EPB41L4A: variants seen among roughly 807,000 people sequenced by gnomAD.
The protein encoded by EPB41L4A is erythrocyte membrane protein band 4.1 like 4A.
EPB41L4A carries 100 observed loss-of-function variants against 108.6 expected under a neutral mutation model. The observed-to-expected ratio is 0.92, with a 90% CI of 0.78 to 1.09. The LOEUF is 1.09. Ranked by LOEUF, EPB41L4A falls within the 50% of genes least tolerant of loss-of-function variation. The probability of loss-of-function intolerance (pLI) is 0.00; values close to 1 mark genes in which losing one functional copy is unlikely to be tolerated. For synonymous variants in EPB41L4A, 319 were observed against 289.0 expected (o/e 1.10, Z -1.05); for missense variants, 1,030 against 842.7 (o/e 1.22, Z -2.75).
At chr5:112,394,428 C>A (rs537073469) in intron 1 of EPB41L4A, among the ~76,000 whole-genome samples, 1 of 152,130 alleles carries the variant, frequency 6.6e-6, no homozygotes, top group African/African-American at 2.4e-5. Context: ...AAATCAAAAC[C>A]ATTCCTATAC....
At chr5:112,202,060 G>A (rs1580421575) in intron 15 of EPB41L4A, among the ~76,000 whole-genome samples, 1 of 152,182 alleles carries the variant, frequency 6.6e-6, no homozygotes, top group African/African-American at 2.4e-5. Flanking sequence ...TGCCAGCTGG[G>A]TTCTAGTTAA....
At chr5:112,242,478 C>T (rs1388425209) in intron 9 of EPB41L4A, among the ~76,000 whole-genome samples, 7 of 152,138 alleles carry the variant, frequency 4.6e-5, no homozygotes, top group East Asian at 3.9e-4. Context: ...CTATTTCTAC[C>T]GCATCTGCAG....
At chr5:112,152,482 G>A (rs975355616) in intron 12 of EPB41L4A, among the ~76,000 whole-genome samples, 2 of 152,162 alleles carry the variant, frequency 1.3e-5, no homozygotes, top group African/African-American at 2.4e-5. Flanking sequence ...AATGGGATTA[G>A]TGCCCTTATA....
At position 112,246,052 on chromosome 5, in the gene EPB41L4A, T is replaced by C. The variant is rs111621537; in HGVS notation, c.796-5242A>G. 2.0e-4 allele frequency among the ~76,000 whole-genome samples: 30 copies of C among 152,242 alleles called. 1 individual carries two copies. Among genetic ancestry groups the C allele is most frequent in the African/African-American group, 6.7e-4 (28 of 41,536 alleles). ...CAATGAATTCAGAAAGTGTTTTCCTTAGCAGCAAAAGAAACTGGTGGCAGA... is the reference window on the plus strand; with the variant it reads ...CAATGAATTCAGAAAGTGTTTTCCTCAGCAGCAAAAGAAACTGGTGGCAGA... On this transcript the variant is annotated intron_variant, in intron 9 of 22. Transcript: ENST00000261486.
intron 12 of EPB41L4A, among the ~76,000 whole-genome samples, chr5:112,229,147 AAACT>A (rs974734258): frequency 6.6e-6 from 1 of 152,256 alleles, no homozygotes; most frequent in African/African-American, 2.4e-5. Flanking sequence ...TTAATGATAC[AAACT>A]AACAAAAAGT....
At chr5:112,211,649 G>C (rs1453130594) in intron 12 of EPB41L4A, among the ~76,000 whole-genome samples, 1 of 151,444 alleles carries the variant, frequency 6.6e-6, no homozygotes, top group Non-Finnish European at 1.5e-5. Flanking sequence ...GAACACTTCA[G>C]AGCAAGGCAA....
intron 1 of EPB41L4A, among the ~76,000 whole-genome samples, chr5:112,380,089 T>TC (rs1324301602): frequency 1.3e-5 from 2 of 152,178 alleles, no homozygotes; most frequent in African/African-American, 4.8e-5. Context: ...ATCAGATGTC[T>TC]CCCTGCTCTT....
In EPB41L4A at chr5:112,231,175, T is replaced by C. The variant is rs116177465; in HGVS notation, c.1087+3459A>G. Among the ~76,000 whole-genome samples, 130 of 152,266 alleles carry C rather than the reference T, an allele frequency of 8.5e-4. 2 individuals are homozygous for C. Among genetic ancestry groups the C allele is most frequent in the African/African-American group, 3.1e-3 (127 of 41,530 alleles). ...ATCCAAGAATTAAAGATTGGTTGAA[T>C]TGTCACATCTCTATATCTATACAGC... On this transcript the variant is annotated intron_variant, in intron 12 of 22. Coordinates refer to ENST00000261486, the MANE Select transcript of EPB41L4A (RefSeq NM_022140.5).
intron 1 of EPB41L4A, among the ~76,000 whole-genome samples, chr5:112,416,156 A>T (rs1762710037): frequency 6.6e-6 from 1 of 152,128 alleles, no homozygotes; most frequent in South Asian, 2.1e-4. Flanking sequence ...AACTTTATCT[A>T]AGTTGAAGAA....
intron 22 of EPB41L4A, 30 bp from the exon 23 acceptor site, chr5:112,165,148 T>C: frequency 6.5e-7 from 1 of 1,533,038 alleles, no homozygotes; most frequent in African/African-American, 1.4e-5. Flanking sequence ...TGTAGAAAGA[T>C]TCAGAAGAAA....
intron 1 of EPB41L4A, among the ~76,000 whole-genome samples, chr5:112,346,439 G>T (rs1757683732): frequency 6.6e-6 from 1 of 151,804 alleles, no homozygotes; most frequent in Non-Finnish European, 1.5e-5. Flanking sequence ...GGTCAGGATG[G>T]TCTCAAACTC....
chr5:112,164,965 C>CCCTA lies in EPB41L4A; in HGVS notation c.*21_*24dup. The CCCTA allele has an allele frequency of 6.3e-7, 1 of 1,598,642 alleles. No individual in the cohort carries two copies. Among genetic ancestry groups the CCCTA allele is most frequent in the Non-Finnish European group, 8.5e-7 (1 of 1,174,468 alleles). ...CCAGTGGCGCACACAACCTTCCCACCCCTACCCTTGACCCTTCATCAGGAT... is the reference window on the plus strand; with the variant it reads ...CCAGTGGCGCACACAACCTTCCCACCCCTACCTACCCTTGACCCTTCATCAGGAT... On this transcript the variant is annotated 3_prime_UTR_variant, in exon 23 of 23. Transcript: ENST00000261486.
intron 18 of EPB41L4A, among the ~76,000 whole-genome samples, chr5:112,174,149 T>C (rs1157955739): frequency 6.6e-6 from 1 of 152,242 alleles, no homozygotes; most frequent in Admixed American, 6.5e-5. Context: ...AATGCTAATT[T>C]CCTCTGATTG....
chr5:112,411,461 A>C (rs974758648), intron 1 of EPB41L4A, among the ~76,000 whole-genome samples: 1 of 152,208 alleles, frequency 6.6e-6, no homozygotes, highest in Admixed American at 6.5e-5. Context: ...ACTGAAATTC[A>C]GAAATAAATG....
intron 1 of EPB41L4A, among the ~76,000 whole-genome samples, chr5:112,345,484 T>C (rs527549632): frequency 6.6e-6 from 1 of 152,076 alleles, no homozygotes. Flanking sequence ...AAAAGATACA[T>C]TAGACTAGAA....
chr5:112,196,516 T>C (rs1580410702), intron 15 of EPB41L4A, among the ~76,000 whole-genome samples: 2 of 152,246 alleles, frequency 1.3e-5, no homozygotes, highest in Non-Finnish European at 2.9e-5. Flanking sequence ...AGACTATCTA[T>C]TGACCTGGCT....
intron 9 of EPB41L4A, among the ~76,000 whole-genome samples, chr5:112,255,387 G>A (rs7734657): frequency 0.3 from 46,039 of 151,880 alleles, 7,104 homozygotes; most frequent in African/African-American, 0.35. Context: ...TGACTTTTAC[G>A]TAAGTGCTGC....
At chr5:112,409,847 A>G (rs1473836281) in intron 1 of EPB41L4A, among the ~76,000 whole-genome samples, 2 of 152,120 alleles carry the variant, frequency 1.3e-5, no homozygotes, top group African/African-American at 4.8e-5. Flanking sequence ...GAGAAAGCCA[A>G]CTCAAAGAGG....
chr5:112,407,217 T>C lies in EPB41L4A; in HGVS notation c.99+11724A>G, dbSNP rs555543632. On this transcript the variant is annotated intron_variant, in intron 1 of 22. Transcript: ENST00000261486. ...AAGGGAGCAGTAGCCCACACATTTA[T>C]TGGGATTTTTCAAGCGTTTGAATAC... Among the ~76,000 whole-genome samples, 22 of 152,320 alleles carry C rather than the reference T, an allele frequency of 1.4e-4. No homozygotes were observed. The South Asian group carries it at 3.3e-3, about 23-fold the overall frequency.
Sources: allele counts gnomAD v4.1 joint callset (sites outside exome capture counted in the v4.1 genomes callset), GRCh38; gene constraint gnomAD v4.1.1; transcripts MANE v1.5; gene names NCBI Gene and HGNC (gene_info 2026-07-23, HGNC 2026-07-21).